Variants in TOP3B observed in about 807,000 individuals in gnomAD.
TOP3B encodes DNA topoisomerase 3-beta-1.
TOP3B carries 45 observed loss-of-function variants against 93.9 expected under a neutral mutation model. The ratio of observed to expected loss-of-function variants is 0.48; its 90% CI spans 0.38 to 0.61. The LOEUF (loss-of-function observed/expected upper bound fraction) is 0.61, where lower values mean the gene tolerates loss of function less well. Ranked by LOEUF, TOP3B falls within the 20% of genes least tolerant of loss-of-function variation. The pLI is 0.00. For missense variants in TOP3B, 750 were observed against 1,156.1 expected (o/e 0.65, Z 5.09); for synonymous variants, 357 against 472.6 (o/e 0.76, Z 3.17).
chr22:21,963,863 A>G lies in TOP3B; in HGVS notation c.1204+60T>C. 1.3e-6 allele frequency: 2 copies of G among 1,570,170 alleles called. No homozygotes were observed. Among genetic ancestry groups the G allele is most frequent in the South Asian group, 2.2e-5 (2 of 89,718 alleles). On this transcript the variant is annotated intron_variant, in intron 11 of 17. Transcript: ENST00000357179. The surrounding 1 kb of genome is among the most constrained non-coding windows in gnomAD (Gnocchi z 4.8). Reference sequence around the variant, plus strand: ...ATTGCCAACAGGGCCTGCAACCTTCACTGTCGCAGCTCGCCCTTCCCTCCC... The same window carrying G: ...ATTGCCAACAGGGCCTGCAACCTTCGCTGTCGCAGCTCGCCCTTCCCTCCC...
chr22:21,963,039 A>G lies in TOP3B; in HGVS notation c.1205-146T>C. 9.8e-7 allele frequency: 1 copy of G among 1,016,144 alleles called. No homozygotes were observed. Among genetic ancestry groups the G allele is most frequent in the South Asian group, 1.6e-5 (1 of 64,036 alleles). The allele number at this position is 1,016,144 out of a possible 1,614,324, so 62.9% of individuals were successfully genotyped here. A position where few individuals can be genotyped will look rare whatever the true frequency, so the allele number is the denominator to read the frequency against. On this transcript the variant is annotated intron_variant, in intron 11 of 17. Transcript: ENST00000357179. This position sits in a 1 kb window ranked among gnomAD's most constrained non-coding sequence, Gnocchi z 4.8. ...GCAAATCCTGGGGAAGGAGGAAAGA[A>G]AATGTGCAGGAAGGCCGGGCGTGGT...
Position 21,974,473 on chromosome 22 carries a change from T to C in TOP3B, c.86A>G (p.His29Arg). 3 of 1,611,094 alleles carry C rather than the reference T, an allele frequency of 1.9e-6. No individual in the cohort carries two copies. Among genetic ancestry groups the C allele is most frequent in the Non-Finnish European group, 2.5e-6 (3 of 1,178,348 alleles). The change falls in exon 3 of 18, where the codon CAC (histidine) becomes CGC (arginine). Residue 29 changes from histidine (H) to arginine (R), a missense_variant. Coordinates refer to ENST00000357179, the MANE Select transcript of TOP3B (RefSeq NM_001282112.2). ...KILSRGSLSS[H>R]KGLNGACSVH... ...TGAGCAGGCCCCGTTCAGCCCTTTG[T>C]GTGAGGACAGGCTCCCTGGGGATGA...
chr22:21,958,585 C>T lies in TOP3B; in HGVS notation c.2014G>A (p.Glu672Lys), dbSNP rs760886348. The change falls in exon 17 of 18, where the codon GAG (glutamate) becomes AAG (lysine). Residue 672 changes from glutamate to lysine, a missense_variant. Physicochemically the swap from Glu to Lys is moderately conservative, Grantham distance 56 (BLOSUM62 1). Around this residue, in one of 4 missense-constraint regions of TOP3B, gnomAD observed 737 missense variants for 933.7 expected, o/e 0.79. Transcript: ENST00000357179. ...GAGCCTGATGACCACAGGACCAGCT[C>T]GAAGTCATCCAGAGGGCAGCGGAGC... ...KELRCPLDDF[E>K]LVLWSSGSRG... The T allele has an allele frequency of 1.2e-5, 19 of 1,613,984 alleles. No homozygotes were observed. The highest frequency in any genetic ancestry group is 8.9e-5 in the East Asian group (4 of 44,894).
chr22:21,964,552 C>G, intron 9 of TOP3B: 1 of 571,420 alleles, frequency 1.8e-6, no homozygotes, highest in Non-Finnish European at 3.1e-6. Context: ...CAGGATGGGC[C>G]TGATGGGAAA....
At chr22:21,974,609 G>A in intron 2 of TOP3B, 121 bp from the exon 3 acceptor site, 1 of 1,168,414 alleles carries the variant, frequency 8.6e-7, no homozygotes, top group South Asian at 1.6e-5. Context: ...AGTGGTGAGT[G>A]ACGACATTCC....
intron 11 of TOP3B, 86 bp from the exon 12 acceptor site, chr22:21,962,979 G>C (rs1473700470): frequency 1.3e-6 from 2 of 1,526,318 alleles, no homozygotes; most frequent in Non-Finnish European, 1.8e-6. Flanking sequence ...CGAGCAGCAA[G>C]CTCCTGCTTA....
At chr22:21,961,000 G>A (rs2071153342) in intron 13 of TOP3B, 1 of 155,512 alleles carries the variant, frequency 6.4e-6, no homozygotes, top group Non-Finnish European at 1.4e-5. Context: ...CCCAGAGGAA[G>A]TTTCCTGGCA....
rs1277957008 is a variant in TOP3B, at chr22:21,970,339, C to G, written c.452G>C (p.Arg151Thr). The change falls in exon 6 of 18, where the codon AGG (arginine) becomes ACG (threonine). Residue 151 changes from arginine to threonine, a missense_variant. By Grantham distance (71) the Arg-to-Thr change is moderately conservative. This residue lies in a region of TOP3B where 737 missense variants were observed against 933.7 expected (regional missense o/e 0.79). Transcript: ENST00000357179. The surrounding 1 kb of genome is among the most constrained non-coding windows in gnomAD (Gnocchi z 4.4). Reference sequence around the variant, plus strand: ...GTCTGTGTCCGTGATGGAGCTAAACCTGGCCCGGAACACGGTCTTCTCGCC... The same window carrying G: ...GTCTGTGTCCGTGATGGAGCTAAACGTGGCCCGGAACACGGTCTTCTCGCC... ...HGGEKTVFRA[R>T]FSSITDTDIC... 1.2e-6 allele frequency: 2 copies of G among 1,614,118 alleles called. No individual in the cohort carries two copies. Among genetic ancestry groups the G allele is most frequent in the Non-Finnish European group, 8.5e-7 (1 of 1,179,998 alleles).
rs866368634 is a variant in TOP3B at position 21,972,381 on chromosome 22, T to C, written c.309+231A>G. Reference sequence around the variant, plus strand: ...AACCCCCCGACCAAACAAGCTATTTTAAAAGCAGAAGGCCTGCTCTCCAGG... The same window carrying C: ...AACCCCCCGACCAAACAAGCTATTTCAAAAGCAGAAGGCCTGCTCTCCAGG... On this transcript the variant is annotated intron_variant, in intron 4 of 17. Coordinates refer to ENST00000357179, the MANE Select transcript of TOP3B (RefSeq NM_001282112.2). 10 of 492,948 alleles carry C rather than the reference T, an allele frequency of 2.0e-5. No homozygotes were observed. In the Middle Eastern group the frequency reaches 2.1e-3, roughly 102 times the overall value. The allele number at this position is 492,948 out of a possible 1,614,324, so 30.5% of individuals were successfully genotyped here. A position where few individuals can be genotyped will look rare whatever the true frequency, so the allele number is the denominator to read the frequency against.
chr22:21,965,266 G>A lies in TOP3B; in HGVS notation c.943+19C>T, dbSNP rs778051889. On this transcript the variant is annotated intron_variant, in intron 9 of 17. Coordinates refer to ENST00000357179, the MANE Select transcript of TOP3B (RefSeq NM_001282112.2). The stretch of plus-strand genomic sequence containing the variant: ...CTCAGGAAGCCTTCTGGTGACTTGA[G>A]AGAAATGTCCCTACATACCCAGAGA... The A allele has an allele frequency of 1.9e-6, 3 of 1,560,746 alleles. No individual in the cohort carries two copies. The East Asian group carries it at 7.2e-5, about 38-fold the overall frequency.
At chr22:21,969,741 A>C (rs2071555990) in intron 6 of TOP3B, 1 of 154,316 alleles carries the variant, frequency 6.5e-6, no homozygotes, top group South Asian at 2.0e-4. Context: ...TGGGCAATAC[A>C]GTAAAACCCT....
At chr22:21,972,288 C>CT in intron 4 of TOP3B, 1 of 454,956 alleles carries the variant, frequency 2.2e-6, no homozygotes, top group Non-Finnish European at 3.9e-6. Flanking sequence ...ATTTTTCTGT[C>CT]TTTCTACTTA....
chr22:21,960,239 T>G lies in TOP3B; in HGVS notation c.1654+82A>C, dbSNP rs1173083531. ...GGGATCACTGTAGGGCAGGGGCCTG[T>G]CTGGAGCGGGCAGCAGAGCCAACAT... On this transcript the variant is annotated intron_variant, in intron 14 of 17. Transcript: ENST00000357179. 3.1e-6 allele frequency: 5 copies of G among 1,595,158 alleles called. No individual in the cohort carries two copies. In the Admixed American group the frequency reaches 8.4e-5, roughly 27 times the overall value.
In TOP3B at chr22:21,958,688, C is replaced by T. The variant is rs946312010; in HGVS notation, c.1911G>A (p.Lys637=). The T allele has an allele frequency of 6.3e-6, 10 of 1,596,566 alleles. No homozygotes were observed. Among genetic ancestry groups the T allele is most frequent in the Admixed American group, 1.7e-5 (1 of 59,622 alleles). ...AGTGGGAGCAGTGCAGGCGGCTTGG[C>T]TTGGCCTGCGGCAATGCCAGGCAGG... ...CHRFMKYIQA[K]PSRLHCSHCD... Residue 637 remains lysine (K), a synonymous_variant, in exon 17 of 18, where the codon AAG becomes AAA. Transcript: ENST00000357179.
At chr22:21,958,226 C>T in intron 17 of TOP3B, 1 of 1,338,212 alleles carries the variant, frequency 7.5e-7, no homozygotes, top group South Asian at 1.5e-5. Context: ...TCACTCAGCT[C>T]CAGAGGGAGC....
chr22:21,968,098 G>A lies in TOP3B; in HGVS notation c.739-382C>T, dbSNP rs2071486969. ...AGCAGCTCCAAGACAGTGTCTCACT[G>A]TGTTGCTAGGCTGGAGTGCAGTGGC... On this transcript the variant is annotated intron_variant, in intron 7 of 17. Transcript: ENST00000357179. 6 of 283,102 alleles carry A rather than the reference G, an allele frequency of 2.1e-5. No individual in the cohort carries two copies. In the Admixed American group the frequency reaches 2.5e-4, roughly 12 times the overall value. The allele number at this position is 283,102 out of a possible 1,614,324, so 17.5% of individuals were successfully genotyped here.
intron 1 of TOP3B, among the ~76,000 whole-genome samples, chr22:21,979,733 A>C (rs995250752): frequency 2.0e-5 from 3 of 151,992 alleles, no homozygotes; most frequent in African/African-American, 7.3e-5. Flanking sequence ...CGAGGTCAGG[A>C]GATCAAGACC....
chr22:21,968,512 A>G (rs2071502406), intron 7 of TOP3B, 107 bp downstream of exon 7: 5 of 1,438,362 alleles, frequency 3.5e-6, no homozygotes, highest in Non-Finnish European at 2.8e-6. Flanking sequence ...AGCCGTCCAC[A>G]CTTCTGCCCT....
intron 6 of TOP3B, chr22:21,969,099 G>A (rs1277171208): frequency 2.1e-5 from 5 of 240,866 alleles, no homozygotes; most frequent in Non-Finnish European, 4.0e-5. Context: ...CAGGGCATAT[G>A]TGATCTCTGT....
Sources: gnomAD v4.1 joint callset for allele counts (sites outside exome capture counted in the v4.1 genomes callset) on GRCh38, gnomAD v4.1.1 for gene constraint, gnomAD v4.1.1 regional missense constraint, Gnocchi (gnomAD v3.1) non-coding constraint, MANE v1.5 for transcripts, NCBI Gene and HGNC (gene_info 2026-07-23, HGNC 2026-07-21) for gene names.